COL6A3: variants seen among roughly 807,000 people sequenced by gnomAD.
COL6A3 encodes collagen type VI alpha 3 chain.
Under a neutral mutation model 274.1 loss-of-function variants are expected in COL6A3, and 137 were observed. The observed-to-expected ratio is 0.50, with a 90% CI of 0.44 to 0.58. COL6A3 has a LOEUF of 0.58. Ranked by LOEUF, COL6A3 falls within the 20% of genes least tolerant of loss-of-function variation. The pLI is 0.00. For synonymous variants in COL6A3, 1,650 were observed against 1,650.6 expected (o/e 1.00, Z 0.01); for missense variants, 3,950 against 4,124.9 (o/e 0.96, Z 1.16).
chr2:237,405,419 G>A (rs1030536860), intron 1 of COL6A3, among the ~76,000 whole-genome samples: 2 of 152,140 alleles, frequency 1.3e-5, no homozygotes, highest in African/African-American at 4.8e-5. Context: ...ATTAAAAGAT[G>A]TCAAACACCA....
Position 237,368,220 on chromosome 2 carries a change from G to A in COL6A3, c.4900+343C>T, listed in dbSNP as rs1295919705. ...CTGGACTATATTGGGCATCTGGCCA[G>A]TAGGCATGGGCCAACTTCAAAGTCA... On this transcript the variant is annotated intron_variant, in intron 10 of 43. Transcript: ENST00000295550. This position sits in a 1 kb window ranked among gnomAD's most constrained non-coding sequence, Gnocchi z 4.4. 1.3e-5 allele frequency among the ~76,000 whole-genome samples: 2 copies of A among 152,226 alleles called. No homozygotes were observed. The highest frequency in any genetic ancestry group is 2.9e-5 in the Non-Finnish European group (2 of 68,036).
chr2:237,399,112 T>C (rs1436097674), intron 1 of COL6A3, among the ~76,000 whole-genome samples: 2 of 152,152 alleles, frequency 1.3e-5, no homozygotes, highest in East Asian at 3.8e-4. Context: ...GTTCATAAGA[T>C]GAGAGGATAA....
Position 237,379,282 on chromosome 2 carries a change from G to C in COL6A3, c.1898-47C>G, listed in dbSNP as rs1442024816. On this transcript the variant is annotated intron_variant, in intron 5 of 43. Coordinates refer to ENST00000295550, the MANE Select transcript of COL6A3 (RefSeq NM_004369.4). ...AAAGTGAGACATACACAACCACGGA[G>C]AGTTTTATCATGTGTGCCTACAACA... 2.5e-6 allele frequency: 4 copies of C among 1,613,180 alleles called. No individual in the cohort carries two copies. The African/African-American group carries it at 5.3e-5, about 22-fold the overall frequency.
At chr2:237,357,184 G>A in intron 23 of COL6A3, 154 bp downstream of exon 23, 1 of 784,062 alleles carries the variant, frequency 1.3e-6, no homozygotes, top group Non-Finnish European at 2.3e-6. Context: ...GAAATTATAA[G>A]AATGAAAATA....
rs757493766 is a variant in COL6A3 at position 237,395,165 on chromosome 2, A to C, written c.131T>G (p.Val44Gly). 5 of 1,613,834 alleles carry C rather than the reference A, an allele frequency of 3.1e-6. No homozygotes were observed. Among genetic ancestry groups the C allele is most frequent in the Non-Finnish European group, 4.2e-6 (5 of 1,180,010 alleles). Reference protein sequence around the residue: ...NGAAADIIFLVDSSWTIGEEH... With the variant: ...NGAAADIIFLGDSSWTIGEEH... ...CTCTCCAATGGTCCAAGAGGAATCC[A>C]CTAGAAATATTATATCAGCAGCCGC... is the stretch of plus-strand genomic sequence containing the variant. Residue 44 changes from valine (V) to glycine (G), a missense_variant, in exon 3 of 44, where the codon GTG (valine) becomes GGG (glycine). Physicochemically the swap from Val to Gly is moderately radical, Grantham distance 109. Transcript: ENST00000295550.
At chr2:237,333,043 A>G in intron 42 of COL6A3, 1 of 317,968 alleles carries the variant, frequency 3.1e-6, no homozygotes, top group East Asian at 7.6e-5. Flanking sequence ...CATGCATTTC[A>G]TGGATTCCAG....
At chr2:237,401,701 T>G (rs556386434) in intron 1 of COL6A3, among the ~76,000 whole-genome samples, 1 of 152,056 alleles carries the variant, frequency 6.6e-6, no homozygotes, top group Admixed American at 6.5e-5. Context: ...TTTTTTTTTT[T>G]TGAGACAGGG....
Position 237,366,876 on chromosome 2 carries a change from C to G in COL6A3, c.5311G>C (p.Val1771Leu), listed in dbSNP as rs1220526606. Residue 1771 changes from valine (V) to leucine (L), a missense_variant, in exon 11 of 44, where the codon GTC becomes CTC. Around this residue, in one of 5 missense-constraint regions of COL6A3, gnomAD observed 632 missense variants for 623.4 expected, o/e 1.01. Coordinates refer to ENST00000295550, the MANE Select transcript of COL6A3 (RefSeq NM_004369.4). ...CTCACTCCAACAGCAAACACTTTGA[C>G]CCCCCTCTGGGTGAGGGCCAGGCTC... ...DVSLALTQRG[V>L]KVFAVGVRNI... is the part of the protein sequence containing the mutation. 1 of 1,614,256 alleles carries G rather than the reference C, an allele frequency of 6.2e-7. No individual in the cohort carries two copies. The highest frequency in any genetic ancestry group is 8.5e-7 in the Non-Finnish European group (1 of 1,180,044).
In COL6A3 at chr2:237,334,850, T is replaced by C. The variant is rs747642083; in HGVS notation, c.9005A>G (p.Glu3002Gly). ...SREVQVFEIT[E>G]NSAKLHWERA... ...CTCCCAGTGGAGTTTGGCGCTGTTC[T>C]CTGTTATCTCAAACACCTGGACTTC... Residue 3002 changes from glutamate (E) to glycine (G), a missense_variant, in exon 41 of 44, where the codon GAG (glutamate) becomes GGG (glycine). By Grantham distance (98) the Glu-to-Gly change is moderately conservative. Transcript: ENST00000295550. 4.3e-6 allele frequency: 7 copies of C among 1,614,086 alleles called. No homozygotes were observed. The highest frequency in any genetic ancestry group is 2.7e-5 in the African/African-American group (2 of 74,926).
chr2:237,353,867 G>A (rs1027802923), intron 24 of COL6A3, among the ~76,000 whole-genome samples: 21 of 151,978 alleles, frequency 1.4e-4, no homozygotes, highest in African/African-American at 1.9e-4. Context: ...ACAGAGCCTC[G>A]GGAGCCAGAA....
In COL6A3 at chr2:237,396,581, G is replaced by A. The variant is rs185081677; in HGVS notation, c.91+146C>T. 3.1e-3 allele frequency: 2,480 copies of A among 808,194 alleles called. 9 individuals are homozygous for A. Among genetic ancestry groups the A allele is most frequent in the Non-Finnish European group, 4.0e-3 (1,876 of 472,376 alleles). 50.1% of individuals were successfully genotyped at this position (808,194 alleles called of 1,614,324 possible). On this transcript the variant is annotated intron_variant, in intron 2 of 43. Transcript: ENST00000295550. ...TATCTGAAAAGGCCTATAAATCCTA[G>A]AACTATCCTATCTGACTATCCTATA...
At chr2:237,372,699 C>T (rs1326957415) in intron 8 of COL6A3, among the ~76,000 whole-genome samples, 2 of 152,162 alleles carry the variant, frequency 1.3e-5, no homozygotes, top group African/African-American at 4.8e-5. Flanking sequence ...TCAACTGGAG[C>T]ACTTGGGGGA....
At position 237,374,589 on chromosome 2, in the gene COL6A3, C is replaced by G. The variant is rs747948769; in HGVS notation, c.3502G>C (p.Gly1168Arg). 6.2e-7 allele frequency: 1 copy of G among 1,614,082 alleles called. No homozygotes were observed. Among genetic ancestry groups the G allele is most frequent in the Non-Finnish European group, 8.5e-7 (1 of 1,180,052 alleles). Residue 1168 changes from glycine (G) to arginine (R), a missense_variant, in exon 8 of 44, where the codon GGG (glycine) becomes CGG (arginine). Physicochemically the swap from Gly to Arg is moderately radical, Grantham distance 125. Coordinates refer to ENST00000295550, the MANE Select transcript of COL6A3 (RefSeq NM_004369.4). This position sits in a 1 kb window ranked among gnomAD's most constrained non-coding sequence, Gnocchi z 4.8. ...GGAVPIGIGI[G>R]NADITEMQTI... ...TGCATCTCTGTGATGTCAGCGTTCC[C>G]GATGCCAATGCCAATGGGCACAGCC...
At position 237,354,319 on chromosome 2, in the gene COL6A3, A is replaced by ATT. The variant is rs34509946; in HGVS notation, c.6627+578_6627+579dup. On this transcript the variant is annotated intron_variant, in intron 24 of 43. Transcript: ENST00000295550. ...AGGCATCAGCCACCGTCCTGGCCAG[A>ATT]TTTTTTTTTTTTTAAGCTGAATACC... 4.5e-4 allele frequency among the ~76,000 whole-genome samples: 66 copies of ATT among 147,946 alleles called. 1 individual carries two copies. The highest frequency in any genetic ancestry group is 7.4e-4 in the African/African-American group (30 of 40,380).
Position 237,407,064 on chromosome 2 carries a change from C to A in COL6A3, c.-31+6889G>T, listed in dbSNP as rs979031731. ...AGCTAGGACTACAGGTGTGCGCCACCACGCCTGGCTAATTTTTTTTGAATT... is the reference window on the plus strand; with the variant it reads ...AGCTAGGACTACAGGTGTGCGCCACAACGCCTGGCTAATTTTTTTTGAATT... On this transcript the variant is annotated intron_variant, in intron 1 of 43. Coordinates refer to ENST00000295550, the MANE Select transcript of COL6A3 (RefSeq NM_004369.4). The surrounding 1 kb of genome is among the most constrained non-coding windows in gnomAD (Gnocchi z 4.3). Among the ~76,000 whole-genome samples, 2 of 151,998 alleles carry A rather than the reference C, an allele frequency of 1.3e-5. No individual in the cohort carries two copies. The highest frequency in any genetic ancestry group is 4.8e-5 in the African/African-American group (2 of 41,382).
chr2:237,378,350 A>G (rs530508354), intron 6 of COL6A3, among the ~76,000 whole-genome samples: 1 of 152,362 alleles, frequency 6.6e-6, no homozygotes, highest in Admixed American at 6.5e-5. Context: ...TTCGAACTCC[A>G]GAATCCTCAC....
chr2:237,329,688 C>T (rs1306515614), intron 42 of COL6A3: 1 of 152,174 alleles, frequency 6.6e-6, no homozygotes, highest in African/African-American at 2.4e-5. Flanking sequence ...TGGAACATGG[C>T]CAACCAAATA....
Position 237,372,036 on chromosome 2 carries a change from G to C in COL6A3, c.3981C>G (p.Pro1327=). The change falls in exon 9 of 44, where the codon CCC becomes CCG. Residue 1327 remains proline (P), a synonymous_variant. Transcript: ENST00000295550. ...EYVSRNIFKR[P]LGSRIEEGVP... ...CGCCCTCTTCAATGCGGCTCCCCAGGGGCCTCTTGAAGATGTTCCTGGACA... is the reference window on the plus strand; with the variant it reads ...CGCCCTCTTCAATGCGGCTCCCCAGCGGCCTCTTGAAGATGTTCCTGGACA... The C allele has an allele frequency of 6.2e-7, 1 of 1,614,046 alleles. No homozygotes were observed. The highest frequency in any genetic ancestry group is 8.5e-7 in the Non-Finnish European group (1 of 1,180,032).
chr2:237,344,234 G>A lies in COL6A3; in HGVS notation c.7668+116C>T. The A allele has an allele frequency of 4.7e-6, 7 of 1,501,612 alleles. No individual in the cohort carries two copies. The highest frequency in any genetic ancestry group is 6.5e-6 in the Non-Finnish European group (7 of 1,085,176). 93.0% of individuals were successfully genotyped at this position (1,501,612 alleles called of 1,614,324 possible). ...AAGTTCTCAGGCAGATGGCCTCATT[G>A]GGGACGTTTTAGGAGCTATGGGACA... On this transcript the variant is annotated intron_variant, in intron 36 of 43. Transcript: ENST00000295550. This position sits in a 1 kb window ranked among gnomAD's most constrained non-coding sequence, Gnocchi z 4.8.
Sources: gnomAD v4.1 joint callset for allele counts (sites outside exome capture counted in the v4.1 genomes callset) on GRCh38, gnomAD v4.1.1 for gene constraint, gnomAD v4.1.1 regional missense constraint, Gnocchi (gnomAD v3.1) non-coding constraint, MANE v1.5 for transcripts, NCBI Gene and HGNC (gene_info 2026-07-23, HGNC 2026-07-21) for gene names.